DNAH1: variants seen among roughly 807,000 people sequenced by gnomAD.
DNAH1 encodes dynein axonemal heavy chain 1.
In DNAH1, 327 loss-of-function variants were observed where a neutral mutation model predicts 484.3. That is an observed-to-expected ratio of 0.68 (90% confidence interval 0.62 to 0.74). The LOEUF is 0.74. Among genes scored for constraint, DNAH1 ranks in the 30% least tolerant of loss-of-function variants. The probability of loss-of-function intolerance (pLI) is 0.00; values close to 1 mark genes in which losing one functional copy is unlikely to be tolerated. For missense variants in DNAH1, 5,052 were observed against 5,546.8 expected (o/e 0.91, Z 2.83); for synonymous variants, 2,192 against 2,191.9 (o/e 1.00, Z 0.00).
At chr3:52,322,850 T>G in intron 2 of DNAH1, 75 bp downstream of exon 2, 1 of 1,262,112 alleles carries the variant, frequency 7.9e-7, no homozygotes, top group Non-Finnish European at 1.1e-6. Flanking sequence ...TTCATCCTTC[T>G]CCCCATCAGT....
At chr3:52,337,666 T>C (rs1487558309) in intron 8 of DNAH1, among the ~76,000 whole-genome samples, 1 of 152,248 alleles carries the variant, frequency 6.6e-6, no homozygotes, top group Admixed American at 6.5e-5. Context: ...AGTTCTTCTA[T>C]TTTAAAAATT....
rs992687142 is a variant in DNAH1, at chr3:52,368,494, C to T, written c.5766-247C>T. Among the ~76,000 whole-genome samples the T allele has an allele frequency of 6.6e-6, 1 of 152,212 alleles. No homozygotes were observed. The highest frequency in any genetic ancestry group is 1.5e-5 in the Non-Finnish European group (1 of 68,042). ...ATCTCTGCTATTGCCTCCTCCCCTGCTCCCTTTTTCCTGTTGGGATTTCAC... is the reference window on the plus strand; with the variant it reads ...ATCTCTGCTATTGCCTCCTCCCCTGTTCCCTTTTTCCTGTTGGGATTTCAC... On this transcript the variant is annotated intron_variant, in intron 36 of 77. Coordinates refer to ENST00000420323, the MANE Select transcript of DNAH1 (RefSeq NM_015512.5). The surrounding 1 kb of genome is among the most constrained non-coding windows in gnomAD (Gnocchi z 4.4).
At chr3:52,327,444 T>C (rs1431893884) in intron 5 of DNAH1, among the ~76,000 whole-genome samples, 1 of 152,108 alleles carries the variant, frequency 6.6e-6, no homozygotes, top group Non-Finnish European at 1.5e-5. Flanking sequence ...TGAGTCTAGC[T>C]AAGGGCTACC....
Position 52,381,228 on chromosome 3 carries a change from G to A in DNAH1, c.7609-412G>A, listed in dbSNP as rs1703830549. 6.6e-6 allele frequency among the ~76,000 whole-genome samples: 1 copy of A among 152,166 alleles called. No homozygotes were observed. The highest frequency in any genetic ancestry group is 2.1e-4 in the South Asian group (1 of 4,830). ...CAGTCGTCCCACCTCAGCGTCCTGA[G>A]TAGCTGGGACCACAGGCACGCACCA... On this transcript the variant is annotated intron_variant, in intron 48 of 77. Coordinates refer to ENST00000420323, the MANE Select transcript of DNAH1 (RefSeq NM_015512.5). This position sits in a 1 kb window ranked among gnomAD's most constrained non-coding sequence, Gnocchi z 4.1.
At chr3:52,323,945 C>T in intron 3 of DNAH1, 65 bp downstream of exon 3, 1 of 1,281,054 alleles carries the variant, frequency 7.8e-7, no homozygotes, top group Non-Finnish European at 1.1e-6. Flanking sequence ...CTTTTGGCCT[C>T]AGGGAGACAG....
rs1559517981 is a variant in DNAH1 at position 52,353,111 on chromosome 3, G to A, written c.3036G>A (p.Lys1012=). ...CCCTCCTGTCCCTGCAGTATGACAA[G>A]CTCTCCAGGATGGTGAAGGAGTTCC... The part of the protein sequence containing the change: ...IFSLPITNYD[K]LSRMVKEFQP... The change falls in exon 19 of 78, where the codon AAG becomes AAA. Residue 1012 remains lysine (K), a synonymous_variant. Transcript: ENST00000420323. The surrounding 1 kb of genome is among the most constrained non-coding windows in gnomAD (Gnocchi z 5.0). 6.2e-7 allele frequency: 1 copy of A among 1,612,854 alleles called. No homozygotes were observed. The highest frequency in any genetic ancestry group is 8.5e-7 in the Non-Finnish European group (1 of 1,179,246).
At chr3:52,326,981 C>A (rs1292538140) in intron 5 of DNAH1, 90 bp downstream of exon 5, 2 of 1,447,348 alleles carry the variant, frequency 1.4e-6, no homozygotes, top group African/African-American at 1.4e-5. Context: ...AAAGGGGATT[C>A]CCCCACCAGT....
In DNAH1 at chr3:52,327,919, G is replaced by C. The variant is rs780285931; in HGVS notation, c.776G>C (p.Arg259Thr). 1 of 1,614,012 alleles carries C rather than the reference G, an allele frequency of 6.2e-7. No homozygotes were observed. The highest frequency in any genetic ancestry group is 2.2e-5 in the East Asian group (1 of 44,886). The part of the protein sequence containing the change: ...DNEDFDCRTP[R>T]EWINMGLEPG... ...GAGGACTTTGACTGCCGGACTCCCAGAGAGTGGATCAACATGGGCTTGGAG... is the reference window on the plus strand; with the variant it reads ...GAGGACTTTGACTGCCGGACTCCCACAGAGTGGATCAACATGGGCTTGGAG... Residue 259 changes from arginine to threonine, a missense_variant, in exon 6 of 78, where the codon AGA becomes ACA. By Grantham distance (71) the Arg-to-Thr change is moderately conservative. Transcript: ENST00000420323.
intron 8 of DNAH1, among the ~76,000 whole-genome samples, chr3:52,334,724 C>G (rs911295282): frequency 6.6e-6 from 1 of 152,102 alleles, no homozygotes; most frequent in African/African-American, 2.4e-5. Flanking sequence ...ACCTGGGAGG[C>G]AGAGGTTGCA....
chr3:52,317,314 G>C (rs1236457423), intron 1 of DNAH1, among the ~76,000 whole-genome samples: 2 of 152,164 alleles, frequency 1.3e-5, no homozygotes, highest in Non-Finnish European at 2.9e-5. Flanking sequence ...GGCATCAGAG[G>C]GTGGGCGCCC....
chr3:52,364,849 G>T lies in DNAH1; in HGVS notation c.5348G>T (p.Arg1783Leu), dbSNP rs371787188. The change falls in exon 34 of 78, where the codon CGG becomes CTG. Residue 1783 changes from arginine (R) to leucine (L), a missense_variant. By Grantham distance (102) the Arg-to-Leu change is moderately radical. Transcript: ENST00000420323. The surrounding 1 kb of genome is among the most constrained non-coding windows in gnomAD (Gnocchi z 4.2). ...PSMNEELICL[R>L]AIRDVNVPKF... is the part of the protein sequence containing the mutation. ...CTGCTGCAGGAGCTGATCTGCCTCC[G>T]GGCCATCCGTGATGTGAACGTGCCC... is the stretch of plus-strand genomic sequence containing the variant. 13 of 1,613,624 alleles carry T rather than the reference G, an allele frequency of 8.1e-6. No homozygotes were observed. The Admixed American group carries it at 1.3e-4, about 17-fold the overall frequency.
chr3:52,362,176 A>G lies in DNAH1; in HGVS notation c.4981-212A>G, dbSNP rs1311629879. 6.6e-6 allele frequency among the ~76,000 whole-genome samples: 1 copy of G among 152,190 alleles called. No individual in the cohort carries two copies. Among genetic ancestry groups the G allele is most frequent in the Non-Finnish European group, 1.5e-5 (1 of 68,016 alleles). On this transcript the variant is annotated intron_variant, in intron 30 of 77. Transcript: ENST00000420323. This position sits in a 1 kb window ranked among gnomAD's most constrained non-coding sequence, Gnocchi z 5.1. ...AGATGTGGAGACCTCCAAGGGCCTG[A>G]AGCCAGGAGCTGGAAGGCCATGGGT...
chr3:52,325,616 A>C (rs536734464), intron 3 of DNAH1, among the ~76,000 whole-genome samples: 1 of 152,258 alleles, frequency 6.6e-6, no homozygotes, highest in South Asian at 2.1e-4. Context: ...TACCCTGCTC[A>C]TCTAAGTAGC....
rs1703857721 is a variant in DNAH1 at position 52,381,786 on chromosome 3, G to A, written c.7755G>A (p.Leu2585=). ...LRQALGNALL[L]GVGGSGRSSL... ...AGGCGCTGGGCAATGCACTCCTGCT[G>A]GGCGTGGGTGGCAGCGGCCGCAGCT... Residue 2585 remains leucine (L), a synonymous_variant, in exon 49 of 78, where the codon CTG becomes CTA. Transcript: ENST00000420323. This position sits in a 1 kb window ranked among gnomAD's most constrained non-coding sequence, Gnocchi z 4.1. 1 of 1,605,060 alleles carries A rather than the reference G, an allele frequency of 6.2e-7. No homozygotes were observed. The highest frequency in any genetic ancestry group is 1.7e-5 in the Admixed American group (1 of 59,078).
chr3:52,349,708 G>T (rs1346380971), intron 14 of DNAH1, among the ~76,000 whole-genome samples: 1 of 152,222 alleles, frequency 6.6e-6, no homozygotes, highest in African/African-American at 2.4e-5. Context: ...GTTTCATGGA[G>T]CTAGGGGATT....
Position 52,395,008 on chromosome 3 carries a change from C to T in DNAH1, c.10917C>T (p.Ala3639=). Reference sequence around the variant, plus strand: ...TGCGTGGGGACAAGGTTACCAACGCCATGCAGGACTTTGTGGCCACCAACC... The same window carrying T: ...TGCGTGGGGACAAGGTTACCAACGCTATGCAGGACTTTGTGGCCACCAACC... ...RCLRGDKVTN[A]MQDFVATNLE... is the part of the protein sequence containing the mutation. Residue 3639 remains alanine, a synonymous_variant, in exon 68 of 78, where the codon GCC becomes GCT. Transcript: ENST00000420323. This position sits in a 1 kb window ranked among gnomAD's most constrained non-coding sequence, Gnocchi z 4.4. The T allele has an allele frequency of 6.2e-7, 1 of 1,611,820 alleles. No individual in the cohort carries two copies. Among genetic ancestry groups the T allele is most frequent in the Non-Finnish European group, 8.5e-7 (1 of 1,179,000 alleles).
At position 52,347,887 on chromosome 3, in the gene DNAH1, C is replaced by T. The variant is rs765410704; in HGVS notation, c.2019C>T (p.Ser673=). 3.7e-6 allele frequency: 6 copies of T among 1,607,354 alleles called. No homozygotes were observed. The highest frequency in any genetic ancestry group is 5.1e-6 in the Non-Finnish European group (6 of 1,176,930). ...LVLDSSGVHY[S]TPLEQFEASL... is the part of the protein sequence containing the mutation. ...TGGACAGCTCTGGGGTGCACTATAGCACCCCACTGGAGCAGTTTGAGGCAT... is the reference window on the plus strand; with the variant it reads ...TGGACAGCTCTGGGGTGCACTATAGTACCCCACTGGAGCAGTTTGAGGCAT... Residue 673 remains serine, a synonymous_variant, in exon 12 of 78, where the codon AGC becomes AGT. Coordinates refer to ENST00000420323, the MANE Select transcript of DNAH1 (RefSeq NM_015512.5).
Position 52,373,608 on chromosome 3 carries a change from A to G in DNAH1, c.6985+555A>G, listed in dbSNP as rs1026958166. ...CAAACAGCAAAATTCTTCAAGGTTT[A>G]GCGCAAGCAGTAATAGAGAACTTCA... On this transcript the variant is annotated intron_variant, in intron 44 of 77. Coordinates refer to ENST00000420323, the MANE Select transcript of DNAH1 (RefSeq NM_015512.5). The G allele has an allele frequency of 2.1e-6, 3 of 1,452,906 alleles. No homozygotes were observed. In the African/African-American group the frequency reaches 4.2e-5, roughly 20 times the overall value. The allele number at this position is 1,452,906 out of a possible 1,614,324, so 90.0% of individuals were successfully genotyped here.
intron 1 of DNAH1, among the ~76,000 whole-genome samples, chr3:52,317,330 G>A (rs1016386013): frequency 2.0e-5 from 3 of 152,094 alleles, no homozygotes; most frequent in Non-Finnish European, 2.9e-5. Flanking sequence ...CGCCCGAGCC[G>A]AGGGGTGTCG....
Sources: gnomAD v4.1 joint callset for allele counts (sites outside exome capture counted in the v4.1 genomes callset) on GRCh38, gnomAD v4.1.1 for gene constraint, Gnocchi (gnomAD v3.1) non-coding constraint, MANE v1.5 for transcripts, NCBI Gene and HGNC (gene_info 2026-07-23, HGNC 2026-07-21) for gene names.